The following GJC3 variants were observed in gnomAD, a reference collection of about 807,000 sequenced individuals.
The protein encoded by GJC3 is gap junction gamma-3 protein.
GJC3 carries 17 observed loss-of-function variants against 19.8 expected under a neutral mutation model. The observed-to-expected ratio is 0.86, with a 90% CI of 0.59 to 1.29. The LOEUF (loss-of-function observed/expected upper bound fraction) is 1.29. GJC3 is among the 50% of genes most tolerant of loss of function. The pLI is 0.00. For synonymous variants in GJC3, 140 were observed against 136.5 expected, an observed-to-expected ratio of 1.03 and a Z score of -0.18; for missense variants, 317 against 332.5, an observed-to-expected ratio of 0.95 and a Z score of 0.36.
intron 1 of GJC3, among the ~76,000 whole-genome samples, chr7:99,927,726 G>A (rs569034057): frequency 2.9e-4 from 44 of 152,138 alleles, no homozygotes; most frequent in African/African-American, 1.0e-3. Flanking sequence ...GTTACCCGCC[G>A]AATCACACTG....
Position 99,929,387 on chromosome 7 carries a change from G to A in GJC3, c.234C>T (p.Val78=), listed in dbSNP as rs149290176. Residue 78 remains valine, a synonymous_variant, in exon 1 of 2, where the codon GTC becomes GTT. Coordinates refer to ENST00000312891, the MANE Select transcript of GJC3 (RefSeq NM_181538.3). ...GTACAGCCACCAAGATGACCTGGAA[G>A]ACCCAGAAACGCAGCGGGGAGAGGG... is the stretch of plus-strand genomic sequence containing the variant. The part of the protein sequence containing the change: ...FHPLSPLRFW[V]FQVILVAVPS... The A allele has an allele frequency of 2.8e-5, 46 of 1,614,042 alleles. No individual in the cohort carries two copies. Among genetic ancestry groups the A allele is most frequent in the Non-Finnish European group, 3.8e-5 (45 of 1,180,024 alleles).
At chr7:99,925,680 A>G (rs1487011295) in intron 1 of GJC3, among the ~76,000 whole-genome samples, 1 of 152,244 alleles carries the variant, frequency 6.6e-6, no homozygotes, top group African/African-American at 2.4e-5. Context: ...CTTACAATGC[A>G]ACAACAAAAA....
intron 1 of GJC3, 72 bp from the exon 2 acceptor site, chr7:99,923,675 CAA>C (rs1365901904): frequency 1.3e-6 from 1 of 753,826 alleles, no homozygotes; most frequent in African/African-American, 1.7e-5. Flanking sequence ...ACCCAAAACC[CAA>C]GGACCCTGGG....
Position 99,929,454 on chromosome 7 carries a change from T to C in GJC3, c.167A>G (p.Gln56Arg). The change falls in exon 1 of 2, where the codon CAG becomes CGG. Residue 56 changes from glutamine to arginine, a missense_variant. Transcript: ENST00000312891. ...GCAGGCAGCCTTGCAGCCCGGCTGC[T>C]GGGTGTGACACACGAATTCACTCTG... is the stretch of plus-strand genomic sequence containing the variant. ...DEQSEFVCHT[Q>R]QPGCKAACFD... 1 of 1,613,608 alleles carries C rather than the reference T, an allele frequency of 6.2e-7. No individual in the cohort carries two copies. The highest frequency in any genetic ancestry group is 2.2e-5 in the East Asian group (1 of 44,868).
rs1819721872 is a variant in GJC3 at position 99,923,468 on chromosome 7, A to G, written c.*77T>C. The G allele has an allele frequency of 3.9e-6, 3 of 778,808 alleles. No homozygotes were observed. Among genetic ancestry groups the G allele is most frequent in the African/African-American group, 1.7e-5 (1 of 59,208 alleles). The allele number at this position is 778,808 out of a possible 1,614,324, so 48.2% of individuals were successfully genotyped here. ...CTGCTACATATGTCACATGTATAGA[A>G]AATGGTGAATAAGCTCCTCCTTGGA... On this transcript the variant is annotated 3_prime_UTR_variant, in exon 2 of 2. Transcript: ENST00000312891.
chr7:99,929,186 A>G lies in GJC3; in HGVS notation c.435T>C (p.Leu145=). 6.2e-7 allele frequency: 1 copy of G among 1,614,014 alleles called. No homozygotes were observed. Among genetic ancestry groups the G allele is most frequent in the Non-Finnish European group, 8.5e-7 (1 of 1,179,910 alleles). The change falls in exon 1 of 2, where the codon CTT becomes CTC. Residue 145 remains leucine (L), a synonymous_variant. Transcript: ENST00000312891. ...WAYVAQLGAR[L]VLEGAALGLQ... is the part of the protein sequence containing the mutation. Reference sequence around the variant, plus strand: ...ACCCCAGGGCTGCCCCCTCCAGGACAAGCCGAGCCCCCAGCTGAGCCACAT... The same window carrying G: ...ACCCCAGGGCTGCCCCCTCCAGGACGAGCCGAGCCCCCAGCTGAGCCACAT...
chr7:99,929,157 T>C lies in GJC3; in HGVS notation c.464A>G (p.Gln155Arg), dbSNP rs796351021. The change falls in exon 1 of 2, where the codon CAG becomes CGG. Residue 155 changes from glutamine to arginine, a missense_variant. Transcript: ENST00000312891. ...CATCTGGAACCCATACAGGTGGTACTGCAACCCCAGGGCTGCCCCCTCCAG... is the reference window on the plus strand; with the variant it reads ...CATCTGGAACCCATACAGGTGGTACCGCAACCCCAGGGCTGCCCCCTCCAG... ...LVLEGAALGL[Q>R]YHLYGFQMPS... 7 of 1,613,908 alleles carry C rather than the reference T, an allele frequency of 4.3e-6. No homozygotes were observed. In the African/African-American group the frequency reaches 9.3e-5, roughly 22 times the overall value.
intron 1 of GJC3, 122 bp downstream of exon 1, chr7:99,928,718 A>C: frequency 1.1e-6 from 1 of 893,350 alleles, no homozygotes; most frequent in South Asian, 1.4e-5. Flanking sequence ...TCTGCCTAGA[A>C]CCTGGTTACC....
chr7:99,926,720 A>T (rs2115582438), intron 1 of GJC3, among the ~76,000 whole-genome samples: 1 of 152,298 alleles, frequency 6.6e-6, no homozygotes, highest in East Asian at 1.9e-4. Flanking sequence ...TAAGTTGATG[A>T]AAATGTTATT....
chr7:99,929,111 G>A lies in GJC3; in HGVS notation c.510C>T (p.Arg170=), dbSNP rs751656629. The A allele has an allele frequency of 3.1e-6, 5 of 1,613,754 alleles. No homozygotes were observed. The African/African-American group carries it at 5.3e-5, about 17-fold the overall frequency. The part of the protein sequence containing the change: ...GFQMPSSFAC[R]REPCLGSITC... ...TTATACTACCAAGGCAAGGTTCTCGGCGACATGCAAAGGAGCTGGGCATCT... is the reference window on the plus strand; with the variant it reads ...TTATACTACCAAGGCAAGGTTCTCGACGACATGCAAAGGAGCTGGGCATCT... The change falls in exon 1 of 2, where the codon CGC becomes CGT. Residue 170 remains arginine (R), a synonymous_variant. Transcript: ENST00000312891.
At chr7:99,927,879 T>C (rs957718472) in intron 1 of GJC3, among the ~76,000 whole-genome samples, 1 of 152,176 alleles carries the variant, frequency 6.6e-6, no homozygotes, top group East Asian at 1.9e-4. Context: ...CTGGAGACAA[T>C]TGTAACAAGC....
At chr7:99,928,331 A>G (rs1819840297) in intron 1 of GJC3, among the ~76,000 whole-genome samples, 1 of 152,234 alleles carries the variant, frequency 6.6e-6, no homozygotes, top group Non-Finnish European at 1.5e-5. Flanking sequence ...ACACCAGAAA[A>G]TTCCAGTGAA....
chr7:99,925,125 G>A (rs760618908), intron 1 of GJC3, among the ~76,000 whole-genome samples: 2 of 152,042 alleles, frequency 1.3e-5, no homozygotes, highest in African/African-American at 4.8e-5. Context: ...AAAAATAATT[G>A]TACATTATAA....
At chr7:99,924,174 ATGT>A (rs1253244484) in intron 1 of GJC3, among the ~76,000 whole-genome samples, 7 of 152,212 alleles carry the variant, frequency 4.6e-5, no homozygotes, top group South Asian at 2.1e-4. Context: ...ATCACTGTTG[ATGT>A]TAACCTTGAT....
At chr7:99,924,769 G>A (rs1819757974) in intron 1 of GJC3, among the ~76,000 whole-genome samples, 1 of 152,106 alleles carries the variant, frequency 6.6e-6, no homozygotes, top group Admixed American at 6.5e-5. Flanking sequence ...GATTATTCCT[G>A]TGTTGGCCAT....
Position 99,928,946 on chromosome 7 carries a change from T to A in GJC3, c.675A>T (p.Lys225Asn). 1 of 1,614,138 alleles carries A rather than the reference T, an allele frequency of 6.2e-7. No homozygotes were observed. Among genetic ancestry groups the A allele is most frequent in the Non-Finnish European group, 8.5e-7 (1 of 1,180,008 alleles). ...TTAGGAAGTATTTAGAAGAGGAAGA[T>A]TTGTGCTTCCAGGTCCTCCACCATC... ...LGRWWRTWKH[K>N]SSSSKYFLTS... The change falls in exon 1 of 2, where the codon AAA (lysine) becomes AAT (asparagine). Residue 225 changes from lysine (K) to asparagine (N), a missense_variant. By Grantham distance (94) the Lys-to-Asn change is moderately conservative. Transcript: ENST00000312891.
Position 99,929,577 on chromosome 7 carries a change from C to G in GJC3, c.44G>C (p.Arg15Pro), listed in dbSNP as rs925211995. The change falls in exon 1 of 2, where the codon CGG (arginine) becomes CCG (proline). Residue 15 changes from arginine to proline, a missense_variant. Physicochemically the swap from Arg to Pro is moderately radical, Grantham distance 103 (BLOSUM62 -2). Transcript: ENST00000312891. ...FLRRLLAEESRRSTPVGRLLL... is the reference protein window; with the variant it reads ...FLRRLLAEESPRSTPVGRLLL... Reference sequence around the variant, plus strand: ...GAGGCGCCCCACGGGGGTGGAGCGCCGGCTCTCCTCCGCCAGCAGCCGCCG... The same window carrying G: ...GAGGCGCCCCACGGGGGTGGAGCGCGGGCTCTCCTCCGCCAGCAGCCGCCG... 6.2e-7 allele frequency: 1 copy of G among 1,610,992 alleles called. No individual in the cohort carries two copies. Among genetic ancestry groups the G allele is most frequent in the Non-Finnish European group, 8.5e-7 (1 of 1,179,628 alleles).
chr7:99,926,200 G>T (rs1197415107), intron 1 of GJC3, among the ~76,000 whole-genome samples: 1 of 152,070 alleles, frequency 6.6e-6, no homozygotes, highest in Non-Finnish European at 1.5e-5. Context: ...TGGGTGTGGT[G>T]GTGCGCACCT....
chr7:99,925,679 C>A (rs1176882174), intron 1 of GJC3, among the ~76,000 whole-genome samples: 1 of 152,052 alleles, frequency 6.6e-6, no homozygotes, highest in African/African-American at 2.4e-5. Context: ...TCTTACAATG[C>A]AACAACAAAA....
Sources: gnomAD v4.1 joint callset for allele counts (sites outside exome capture counted in the v4.1 genomes callset) on GRCh38, gnomAD v4.1.1 for gene constraint, MANE v1.5 for transcripts, NCBI Gene and HGNC (gene_info 2026-07-23, HGNC 2026-07-21) for gene names.